The following C3orf52 variants were observed in gnomAD, a reference collection of about 807,000 sequenced individuals.
The protein encoded by C3orf52 is chromosome 3 open reading frame 52.
A neutral mutation model predicts 24.8 loss-of-function variants in C3orf52; 22 were observed. The ratio of observed to expected loss-of-function variants is 0.89; its 90% CI spans 0.63 to 1.27. The LOEUF (loss-of-function observed/expected upper bound fraction) is 1.27, where lower values mean the gene tolerates loss of function less well. C3orf52 is among the 50% of genes most tolerant of loss of function. The pLI, the probability that C3orf52 is intolerant of heterozygous loss-of-function variation, is 0.00. For synonymous variants in C3orf52, 93 were observed against 100.2 expected (o/e 0.93, Z 0.43); for missense variants, 265 against 260.7 (o/e 1.02, Z -0.11).
At chr3:112,128,006 T>G in intron 4 of C3orf52, 1 of 1,611,764 alleles carries the variant, frequency 6.2e-7, no homozygotes, top group African/African-American at 1.3e-5. Context: ...TAAAAACAAC[T>G]GTCCACTCAC....
At chr3:112,102,784 T>C (rs2073985176) in intron 2 of C3orf52, 54 bp from the exon 3 acceptor site, 3 of 1,457,724 alleles carry the variant, frequency 2.1e-6, no homozygotes, top group Admixed American at 2.5e-5. Context: ...AGTTTATTAT[T>C]ATATGCAGGT....
intron 3 of C3orf52, among the ~76,000 whole-genome samples, chr3:112,103,294 T>C (rs945031745): frequency 6.6e-6 from 1 of 152,096 alleles, no homozygotes; most frequent in South Asian, 2.1e-4. Flanking sequence ...GACAAAATAA[T>C]CTGTACAACA....
chr3:112,134,017 A>C, downstream of C3orf52: 1 of 152,500 alleles, frequency 6.6e-6, no homozygotes, highest in Non-Finnish European at 1.5e-5. Flanking sequence ...CTCAGCTGGC[A>C]GACAGACAAG....
chr3:112,122,618 G>A (rs979869226), downstream of C3orf52: 6 of 152,058 alleles, frequency 3.9e-5, no homozygotes, highest in African/African-American at 1.5e-4. Flanking sequence ...ATATATTGCA[G>A]AGGGCTTTCT....
At chr3:112,092,864 C>T (rs1271663024) in intron 1 of C3orf52, among the ~76,000 whole-genome samples, 1 of 152,096 alleles carries the variant, frequency 6.6e-6, no homozygotes, top group Non-Finnish European at 1.5e-5. Flanking sequence ...CATGATTTTC[C>T]CTTAATTTTC....
chr3:112,135,114 A>G (rs532412003), downstream of C3orf52: 4 of 154,936 alleles, frequency 2.6e-5, no homozygotes, highest in African/African-American at 7.2e-5. Context: ...CTGCACATAA[A>G]TGAATCTCAA....
chr3:112,111,061 T>C (rs1302507860), intron 4 of C3orf52, among the ~76,000 whole-genome samples: 1 of 152,082 alleles, frequency 6.6e-6, no homozygotes, highest in Non-Finnish European at 1.5e-5. Context: ...ATACAAAAAT[T>C]AGCTGGACGT....
At chr3:112,132,668 C>T (rs1052104955), downstream of C3orf52, 65 of 987,358 alleles carry the variant, frequency 6.6e-5, no homozygotes, top group Non-Finnish European at 7.3e-5. Context: ...CAAAGGAAGA[C>T]TCAAGGTGGC....
downstream of C3orf52, chr3:112,130,250 T>C (rs895744709): frequency 8.3e-6 from 5 of 600,982 alleles, no homozygotes; most frequent in African/African-American, 7.4e-5. Context: ...ACATTAGGCT[T>C]CTAGCAAAGT....
At chr3:112,116,260 C>T (rs577126184) in intron 5 of C3orf52, among the ~76,000 whole-genome samples, 1 of 152,196 alleles carries the variant, frequency 6.6e-6, no homozygotes, top group South Asian at 2.1e-4. Context: ...GGGTTCACAC[C>T]ATTTCTCTCA....
At chr3:112,136,230 CT>C in the C3orf52 span, among the ~76,000 whole-genome samples, 2 of 152,160 alleles carry the variant, frequency 1.3e-5, no homozygotes, top group African/African-American at 4.8e-5. Flanking sequence ...CATTGTTTGT[CT>C]TGAGAAAATG....
downstream of C3orf52, chr3:112,132,571 A>G: frequency 5.5e-6 from 4 of 723,732 alleles, no homozygotes; most frequent in African/African-American, 1.9e-5. Context: ...CTTAAAATAA[A>G]GAGGCTGAGG....
At chr3:112,124,840 T>G (rs1431041445) in intron 4 of C3orf52, among the ~76,000 whole-genome samples, 1 of 152,170 alleles carries the variant, frequency 6.6e-6, no homozygotes, top group Non-Finnish European at 1.5e-5. Context: ...CGCCCCCTTT[T>G]AGCTATTTGG....
intron 1 of C3orf52, among the ~76,000 whole-genome samples, chr3:112,086,845 A>G (rs935752519): frequency 6.6e-6 from 1 of 152,190 alleles, no homozygotes; most frequent in African/African-American, 2.4e-5. Context: ...AGATGGAAGT[A>G]GTTTTTTAAA....
chr3:112,120,513 G>A (rs765015261), downstream of C3orf52, among the ~76,000 whole-genome samples: 1 of 152,178 alleles, frequency 6.6e-6, no homozygotes, highest in Non-Finnish European at 1.5e-5. Context: ...TAGTATGTAC[G>A]TGAAACGGAA....
exon 5 of C3orf52, chr3:112,128,319 A>G: frequency 3.2e-6 from 2 of 633,002 alleles, no homozygotes; most frequent in South Asian, 3.1e-5. Context: ...CTCACTCTCA[A>G]TTCTGGTAAT....
chr3:112,127,065 A>G lies in C3orf52; in HGVS notation c.*47-1168A>G, dbSNP rs148460372. 1.2e-5 allele frequency: 17 copies of G among 1,395,906 alleles called. No individual in the cohort carries two copies. The East Asian group carries it at 2.7e-4, about 23-fold the overall frequency. The allele number at this position is 1,395,906 out of a possible 1,614,324, so 86.5% of individuals were successfully genotyped here. A position where few individuals can be genotyped will look rare whatever the true frequency, so the allele number is the denominator to read the frequency against. On this transcript the variant is annotated intron_variant, in intron 4 of 4. Transcript: ENST00000480282. ...AAGAAAAGCAAAGCAAATTGTTTTA[A>G]TATTCAGAAACTCTCAAAGGAAATG...
intron 2 of C3orf52, among the ~76,000 whole-genome samples, chr3:112,093,837 T>C (rs569627700): frequency 2.0e-5 from 3 of 152,290 alleles, no homozygotes; most frequent in African/African-American, 7.2e-5. Context: ...TTTGAATTCT[T>C]TTTCTTTTCA....
At chr3:112,108,910 T>C (rs79618412) in intron 3 of C3orf52, among the ~76,000 whole-genome samples, 7,386 of 152,292 alleles carry the variant, frequency 0.048, 221 homozygotes, top group South Asian at 0.11. Flanking sequence ...TTTAGCTTTA[T>C]TTTGTTTCTT....
Sources: allele counts gnomAD v4.1 joint callset (sites outside exome capture counted in the v4.1 genomes callset), GRCh38; gene constraint gnomAD v4.1.1; transcripts MANE v1.5; gene names NCBI Gene and HGNC (gene_info 2026-07-23, HGNC 2026-07-21).